Variants in GRIK3 observed in about 807,000 individuals in gnomAD.
GRIK3 encodes the protein glutamate ionotropic receptor kainate type subunit 3, also known as glutamate receptor ionotropic, kainate 3.
In GRIK3, 29 loss-of-function variants were observed where a neutral mutation model predicts 102.5. That is an observed-to-expected ratio of 0.28 (90% CI 0.21 to 0.39). GRIK3 has a LOEUF of 0.39. Among genes scored for constraint, GRIK3 ranks in the 10% least tolerant of loss-of-function variants. The pLI is 1.00. For missense variants in GRIK3, 908 were observed against 1,252.4 expected, an observed-to-expected ratio of 0.73 and a Z score of 4.15; for synonymous variants, 511 against 504.9, an observed-to-expected ratio of 1.01 and a Z score of -0.16.
chr1:37,001,611 G>GA (rs1011218301), intron 1 of GRIK3, among the ~76,000 whole-genome samples: 37 of 147,658 alleles, frequency 2.5e-4, no homozygotes, highest in East Asian at 3.9e-4. Context: ...CTGTCTTAAA[G>GA]AAAAAAAAAA....
At chr1:36,918,672 T>A (rs1328178199) in intron 1 of GRIK3, among the ~76,000 whole-genome samples, 1 of 152,132 alleles carries the variant, frequency 6.6e-6, no homozygotes, top group Admixed American at 6.5e-5. Context: ...CCCCAGACAA[T>A]GCCAGTTGGT....
At chr1:36,889,184 G>A (rs558460136) in intron 2 of GRIK3, among the ~76,000 whole-genome samples, 2 of 151,994 alleles carry the variant, frequency 1.3e-5, no homozygotes, top group Admixed American at 6.5e-5. Flanking sequence ...AAAGCAAGGA[G>A]ACCTGACCTT....
At chr1:37,007,267 C>A (rs1030844591) in intron 1 of GRIK3, among the ~76,000 whole-genome samples, 5 of 152,186 alleles carry the variant, frequency 3.3e-5, no homozygotes, top group African/African-American at 9.7e-5. Flanking sequence ...GAAACTGAGG[C>A]ACAGAGAAGA....
chr1:36,880,639 C>T lies in GRIK3; in HGVS notation c.545G>A (p.Ser182Asn). 6.2e-7 allele frequency: 1 copy of T among 1,614,120 alleles called. No homozygotes were observed. Among genetic ancestry groups the T allele is most frequent in the Non-Finnish European group, 8.5e-7 (1 of 1,179,960 alleles). The change falls in exon 3 of 16, where the codon AGT becomes AAT. Residue 182 changes from serine to asparagine, a missense_variant. Physicochemically the swap from Ser to Asn is conservative, Grantham distance 46. Transcript: ENST00000373091. The surrounding 1 kb of genome is among the most constrained non-coding windows in gnomAD (Gnocchi z 5.4). ...AGCCAGGCCTGGCCACCCACCTGTA[C>T]TGTCGTCATAGACCACGGTGGCTGA... ...WRSATVVYDD[S>N]TGLIRLQELI... is the part of the protein sequence containing the mutation.
At chr1:36,834,657 TAGGA>T (rs1239418986) in intron 10 of GRIK3, among the ~76,000 whole-genome samples, 1 of 152,102 alleles carries the variant, frequency 6.6e-6, no homozygotes, top group Non-Finnish European at 1.5e-5. Context: ...GCCTATTTCT[TAGGA>T]AGGCTCAGTG....
rs763719803 is a variant in GRIK3 at position 36,872,377 on chromosome 1, G to A, written c.551-8C>T. ...CCTGCAGTCGGATGAGCCCTGAGGG[G>A]CCATGGAGCACAAAAGACACACGTG... On this transcript the variant is annotated splice_region_variant and splice_polypyrimidine_tract_variant and intron_variant, in intron 3 of 15. Transcript: ENST00000373091. The surrounding 1 kb of genome is among the most constrained non-coding windows in gnomAD (Gnocchi z 5.9). 1.3e-6 allele frequency: 2 copies of A among 1,575,082 alleles called. No homozygotes were observed. Among genetic ancestry groups the A allele is most frequent in the South Asian group, 1.2e-5 (1 of 86,080 alleles).
chr1:36,944,941 C>A (rs983650613), intron 1 of GRIK3, among the ~76,000 whole-genome samples: 6 of 152,174 alleles, frequency 3.9e-5, no homozygotes, highest in African/African-American at 1.4e-4. Flanking sequence ...CTGAGCTGAC[C>A]CTGGTGCCCT....
intron 1 of GRIK3, among the ~76,000 whole-genome samples, chr1:36,967,420 C>G (rs1368328450): frequency 6.6e-6 from 1 of 152,228 alleles, no homozygotes; most frequent in Non-Finnish European, 1.5e-5. Context: ...GATCACTCTA[C>G]AGCATATAGC....
At chr1:36,809,192 T>C (rs978152564) in intron 13 of GRIK3, among the ~76,000 whole-genome samples, 2 of 151,242 alleles carry the variant, frequency 1.3e-5, no homozygotes, top group Non-Finnish European at 3.0e-5. Context: ...CACCCATCCA[T>C]CCACCCATCA....
chr1:36,859,227 C>T lies in GRIK3; in HGVS notation c.985G>A (p.Ala329Thr), dbSNP rs1433924120. The T allele has an allele frequency of 1.2e-6, 2 of 1,612,466 alleles. No homozygotes were observed. The highest frequency in any genetic ancestry group is 1.7e-6 in the Non-Finnish European group (2 of 1,178,814). Residue 329 changes from alanine (A) to threonine (T), a missense_variant, in exon 7 of 16, where the codon GCC becomes ACC. Around this residue, in one of 3 missense-constraint regions of GRIK3, gnomAD observed 585 missense variants for 824.9 expected, o/e 0.71. Transcript: ENST00000373091. Reference protein sequence around the residue: ...MMTDAALLYDAVHIVSVCYQR... With the variant: ...MMTDAALLYDTVHIVSVCYQR... ...TAGCACACGGACACGATATGGACGG[C>T]GTCGTACAGTAAGGCTGCATCAGTC... is the stretch of plus-strand genomic sequence containing the variant.
At chr1:37,000,231 C>T (rs991374747) in intron 1 of GRIK3, among the ~76,000 whole-genome samples, 19 of 152,308 alleles carry the variant, frequency 1.2e-4, no homozygotes, top group Middle Eastern at 3.4e-3. Flanking sequence ...AGCCCTCCTA[C>T]GGTTAAGGTT....
At chr1:37,013,894 C>T (rs560502674) in intron 1 of GRIK3, among the ~76,000 whole-genome samples, 1 of 152,354 alleles carries the variant, frequency 6.6e-6, no homozygotes, top group South Asian at 2.1e-4. Context: ...TTTGGAAATC[C>T]ACCTCATCAC....
At chr1:36,988,944 C>A (rs1642335071) in intron 1 of GRIK3, among the ~76,000 whole-genome samples, 1 of 152,176 alleles carries the variant, frequency 6.6e-6, no homozygotes, top group Non-Finnish European at 1.5e-5. Context: ...TTGAAACGTA[C>A]AGGCCCGAGC....
intron 5 of GRIK3, among the ~76,000 whole-genome samples, chr1:36,861,903 C>T (rs972246363): frequency 6.6e-6 from 1 of 152,032 alleles, no homozygotes; most frequent in African/African-American, 2.4e-5. Context: ...TCTGAGATGG[C>T]CAGAGGGTGT....
In GRIK3 at chr1:37,009,746, G is replaced by A. The variant is rs114198476; in HGVS notation, c.115+24248C>T. ...ATTAAATATGAATCCATAATGCATCGCATCATAGCTAATGGTATGCAAATG... is the reference window on the plus strand; with the variant it reads ...ATTAAATATGAATCCATAATGCATCACATCATAGCTAATGGTATGCAAATG... On this transcript the variant is annotated intron_variant, in intron 1 of 15. Coordinates refer to ENST00000373091, the MANE Select transcript of GRIK3 (RefSeq NM_000831.4). 2.0e-3 allele frequency among the ~76,000 whole-genome samples: 307 copies of A among 152,248 alleles called. 1 individual carries two copies. The highest frequency in any genetic ancestry group is 6.9e-3 in the African/African-American group (286 of 41,544).
chr1:36,819,822 G>A lies in GRIK3; in HGVS notation c.1787C>T (p.Pro596Leu). ...FSPYEWYDAH[P>L]CNPGSEVVEN... ...CACCACCTCGGAGCCAGGGTTGCAG[G>A]GGTGAGCATCGTACCACTCATAAGG... The change falls in exon 12 of 16, where the codon CCC becomes CTC. Residue 596 changes from proline (P) to leucine (L), a missense_variant. Coordinates refer to ENST00000373091, the MANE Select transcript of GRIK3 (RefSeq NM_000831.4). This position sits in a 1 kb window ranked among gnomAD's most constrained non-coding sequence, Gnocchi z 4.1. 6.3e-7 allele frequency: 1 copy of A among 1,595,412 alleles called. No individual in the cohort carries two copies. The highest frequency in any genetic ancestry group is 1.1e-5 in the South Asian group (1 of 88,498).
chr1:36,977,130 G>A (rs902766783), intron 1 of GRIK3, among the ~76,000 whole-genome samples: 1 of 152,136 alleles, frequency 6.6e-6, no homozygotes, highest in Non-Finnish European at 1.5e-5. Flanking sequence ...TTCAAATCCC[G>A]CATGGACCAT....
At chr1:37,002,670 CT>C (rs57712253) in intron 1 of GRIK3, among the ~76,000 whole-genome samples, 36,831 of 135,042 alleles carry the variant, frequency 0.27, 4,452 homozygotes, top group African/African-American at 0.41. Flanking sequence ...TTCTTTCTTT[CT>C]TTTTTTTTTT....
Position 37,034,373 on chromosome 1 carries a change from T to TC in GRIK3, c.-266dup, listed in dbSNP as rs1642865012. On this transcript the variant is annotated 5_prime_UTR_variant, in exon 1 of 16. Coordinates refer to ENST00000373091, the MANE Select transcript of GRIK3 (RefSeq NM_000831.4). ...GGCTCCGCCCGGACTCCGCTCGGAC[T>TC]CGGCTCCGGCTCCGACTCGCGTCGG... 6.6e-6 allele frequency among the ~76,000 whole-genome samples: 1 copy of TC among 150,496 alleles called. No homozygotes were observed. Among genetic ancestry groups the TC allele is most frequent in the African/African-American group, 2.4e-5 (1 of 41,096 alleles).
Sources: allele counts gnomAD v4.1 joint callset (sites outside exome capture counted in the v4.1 genomes callset), GRCh38; gene constraint gnomAD v4.1.1; regional missense constraint gnomAD v4.1.1; non-coding constraint Gnocchi (gnomAD v3.1); transcripts MANE v1.5; gene names NCBI Gene and HGNC (gene_info 2026-07-23, HGNC 2026-07-21).